FAM133B: variants seen among roughly 807,000 people sequenced by gnomAD.
FAM133B encodes the protein family with sequence similarity 133 member B.
A neutral mutation model predicts 46.4 loss-of-function variants in FAM133B; 25 were observed. The ratio of observed to expected loss-of-function variants is 0.54; its 90% CI spans 0.39 to 0.75. The LOEUF is 0.75. Ranked by LOEUF, FAM133B falls within the 30% of genes least tolerant of loss-of-function variation. FAM133B has a pLI of 0.00. For missense variants in FAM133B, 205 were observed against 277.6 expected (o/e 0.74, Z 1.86); for synonymous variants, 75 against 86.0 (o/e 0.87, Z 0.71).
chr7:92,569,592 ATC>A (rs1256875466), intron 9 of FAM133B: 1 of 264,530 alleles, frequency 3.8e-6, no homozygotes, highest in African/African-American at 2.2e-5. Context: ...GACTAAAAAT[ATC>A]TCAGATTAGA....
chr7:92,568,822 A>T (rs1418753499), intron 9 of FAM133B, among the ~76,000 whole-genome samples: 1 of 152,138 alleles, frequency 6.6e-6, no homozygotes, highest in African/African-American at 2.4e-5. Flanking sequence ...CTGCAGCCTC[A>T]AACTCCAGGG....
chr7:92,572,035 T>C (rs564830287), intron 8 of FAM133B, among the ~76,000 whole-genome samples: 1 of 152,114 alleles, frequency 6.6e-6, no homozygotes, highest in Non-Finnish European at 1.5e-5. Context: ...TAATTTTAAA[T>C]AATAAAGGGG....
rs749368491 is a variant in FAM133B at position 92,581,491 on chromosome 7, G to T, written c.122+15C>A. The T allele has an allele frequency of 4.4e-6, 7 of 1,597,570 alleles. No individual in the cohort carries two copies. The African/African-American group carries it at 8.0e-5, about 18-fold the overall frequency. ...TGATAAAAGCTTATAAATAGGTAAA[G>T]TGTTTCACAAATACCAGGTAGGCCT... On this transcript the variant is annotated intron_variant, in intron 2 of 10. Transcript: ENST00000445716.
intron 10 of FAM133B, among the ~76,000 whole-genome samples, chr7:92,565,310 C>T (rs558148500): frequency 4.6e-5 from 7 of 151,018 alleles, no homozygotes; most frequent in Non-Finnish European, 8.8e-5. Flanking sequence ...CCACCACGCC[C>T]GGCTAATTTT....
intron 1 of FAM133B, 63 bp downstream of exon 1, chr7:92,590,205 G>A (rs1795160202): frequency 1.2e-6 from 2 of 1,610,938 alleles, no homozygotes; most frequent in Non-Finnish European, 8.5e-7. Flanking sequence ...GAACAGCGAG[G>A]GTTCTCGCTG....
intron 1 of FAM133B, among the ~76,000 whole-genome samples, chr7:92,587,382 G>C (rs1795064127): frequency 6.6e-6 from 1 of 152,142 alleles, no homozygotes; most frequent in African/African-American, 2.4e-5. Flanking sequence ...GCCACACTTG[G>C]GGACAGGGGT....
At chr7:92,564,309 C>T (rs1442089242) in intron 10 of FAM133B, among the ~76,000 whole-genome samples, 1 of 152,190 alleles carries the variant, frequency 6.6e-6, no homozygotes. Flanking sequence ...AGCCCGTCCC[C>T]ACAGTATCTC....
chr7:92,573,660 CT>C (rs963944682), intron 8 of FAM133B, among the ~76,000 whole-genome samples: 109 of 146,514 alleles, frequency 7.4e-4, no homozygotes, highest in East Asian at 1.2e-3. Context: ...TTCACACATA[CT>C]TTTTTTTTTT....
At chr7:92,578,530 G>T (rs1794770102) in intron 3 of FAM133B, 137 bp from the exon 4 acceptor site, 1 of 766,764 alleles carries the variant, frequency 1.3e-6, no homozygotes, top group South Asian at 1.7e-5. Context: ...ACAGTCAAAA[G>T]AAACACAGGT....
chr7:92,575,881 G>A, intron 7 of FAM133B, 60 bp from the exon 8 acceptor site: 7 of 748,566 alleles, frequency 9.4e-6, no homozygotes, highest in East Asian at 2.9e-5. Context: ...TACAGAACAA[G>A]GACAAAAACA....
intron 8 of FAM133B, among the ~76,000 whole-genome samples, chr7:92,574,658 C>A (rs1302045293): frequency 8.6e-5 from 13 of 152,030 alleles, no homozygotes; most frequent in African/African-American, 3.1e-4. Flanking sequence ...GTAATCCCAG[C>A]ACTTTGGGAG....
intron 1 of FAM133B, among the ~76,000 whole-genome samples, chr7:92,582,708 A>G (rs911646313): frequency 1.3e-5 from 2 of 152,264 alleles, no homozygotes; most frequent in African/African-American, 2.4e-5. Context: ...GAAGGTATAT[A>G]GTAAATGGCC....
rs115431119 is a variant in FAM133B at position 92,570,812 on chromosome 7, T to C, written c.517-897A>G. Among the ~76,000 whole-genome samples, 1,413 of 152,274 alleles carry C rather than the reference T, an allele frequency of 9.3e-3. 19 individuals are homozygous for C. The highest frequency in any genetic ancestry group is 0.032 in the African/African-American group (1,329 of 41,574). On this transcript the variant is annotated intron_variant, in intron 8 of 10. Coordinates refer to ENST00000445716, the MANE Select transcript of FAM133B (RefSeq NM_152789.4). ...CTTCCTTTTGTTTCTGCAAACAGCA[T>C]TGTTATTTTGGCCAAAATGTTAAAT...
intron 2 of FAM133B, among the ~76,000 whole-genome samples, chr7:92,580,684 T>C (rs1471973311): frequency 6.6e-6 from 1 of 152,236 alleles, no homozygotes; most frequent in Non-Finnish European, 1.5e-5. Flanking sequence ...GACTATCTGC[T>C]GAAACTCCAG....
intron 1 of FAM133B, among the ~76,000 whole-genome samples, chr7:92,582,317 C>A (rs1368927018): frequency 4.6e-5 from 6 of 131,850 alleles, no homozygotes; most frequent in Admixed American, 7.4e-5. Flanking sequence ...CATAAAATAA[C>A]ATAACATAAA....
Sources: gnomAD v4.1 joint callset for allele counts (sites outside exome capture counted in the v4.1 genomes callset) on GRCh38, gnomAD v4.1.1 for gene constraint, MANE v1.5 for transcripts, NCBI Gene and HGNC (gene_info 2026-07-23, HGNC 2026-07-21) for gene names.